PCDHA2: variants seen among roughly 807,000 people sequenced by gnomAD.
The protein encoded by PCDHA2 is protocadherin alpha-2.
PCDHA2 carries 58 observed loss-of-function variants against 66.0 expected under a neutral mutation model. That is an observed-to-expected ratio of 0.88 (90% CI 0.71 to 1.09). The LOEUF (loss-of-function observed/expected upper bound fraction) is 1.09. Among genes scored for constraint, PCDHA2 ranks in the 50% least tolerant of loss-of-function variants. The pLI is 0.00. For missense variants in PCDHA2, 1,267 were observed against 1,242.3 expected (o/e 1.02, Z -0.30); for synonymous variants, 634 against 554.0 (o/e 1.14, Z -2.03).
At chr5:140,823,479 A>C in intron 1 of PCDHA2, 1 of 1,613,314 alleles carries the variant, frequency 6.2e-7, no homozygotes, top group African/African-American at 1.3e-5. Flanking sequence ...TGGTGCCTCG[A>C]GTGGGTGGCA....
At chr5:140,808,438 C>G in intron 1 of PCDHA2, 2 of 1,614,150 alleles carry the variant, frequency 1.2e-6, no homozygotes, top group Non-Finnish European at 1.7e-6. Context: ...ACCGCGAGAG[C>G]GTGTCAGCCT....
chr5:140,940,549 A>G (rs1554213474), intron 1 of PCDHA2, among the ~76,000 whole-genome samples: 1 of 152,110 alleles, frequency 6.6e-6, no homozygotes, highest in Non-Finnish European at 1.5e-5. Context: ...CCTGGGCTCA[A>G]GTGATTCTCC....
Position 140,958,902 on chromosome 5 carries a change from GAA to G in PCDHA2, c.2389-20044_2389-20043del, listed in dbSNP as rs201571519. On this transcript the variant is annotated intron_variant, in intron 1 of 3. Transcript: ENST00000526136. ...GACCAGTAGCTATATAATAGATACA[GAA>G]AAGTCTGCCTGGGTGTGGTGGCTCA... Among the ~76,000 whole-genome samples the G allele has an allele frequency of 8.2e-3, 1,248 of 152,002 alleles. 7 individuals carry two copies. The highest frequency in any genetic ancestry group is 0.021 in the Middle Eastern group (6 of 292).
Position 140,828,302 on chromosome 5 carries a change from C to T in PCDHA2, c.2388+30950C>T, listed in dbSNP as rs2150153746. ...CCTGTTCAGGATGGCCTCCAAAGACCGCGAGGACCTTCTGGAGGTAAATCT... is the reference window on the plus strand; with the variant it reads ...CCTGTTCAGGATGGCCTCCAAAGACTGCGAGGACCTTCTGGAGGTAAATCT... On this transcript the variant is annotated intron_variant, in intron 1 of 3. Coordinates refer to ENST00000526136, the MANE Select transcript of PCDHA2 (RefSeq NM_018905.3). 3.1e-6 allele frequency: 5 copies of T among 1,614,032 alleles called. No individual in the cohort carries two copies. In the East Asian group the frequency reaches 1.1e-4, roughly 36 times the overall value.
intron 1 of PCDHA2, among the ~76,000 whole-genome samples, chr5:140,937,615 T>TCAAAAAAAAAAAAAAAAAAAAAAAAA (rs1472779704): frequency 4.0e-5 from 6 of 149,436 alleles, no homozygotes; most frequent in African/African-American, 1.5e-4. Flanking sequence ...ATACTCCATC[T>TCAAAAAAAAAAAAAAAAAAAAAAAAA]AAAAAGAAAA....
intron 1 of PCDHA2, chr5:140,829,491 A>G (rs1770339510): frequency 1.2e-6 from 2 of 1,613,552 alleles, no homozygotes; most frequent in African/African-American, 1.3e-5. Context: ...GTGAAGGAGA[A>G]CAACCCGCCG....
At chr5:140,845,196 T>C (rs1470721997) in intron 1 of PCDHA2, among the ~76,000 whole-genome samples, 3 of 149,356 alleles carry the variant, frequency 2.0e-5, no homozygotes, top group African/African-American at 7.4e-5. Flanking sequence ...AATATGATTG[T>C]TTTCATTTAA....
At chr5:140,850,361 C>T in intron 1 of PCDHA2, 1 of 1,597,860 alleles carries the variant, frequency 6.3e-7, no homozygotes, top group Non-Finnish European at 8.6e-7. Flanking sequence ...GCATCCCGTT[C>T]CGCGTGGGGC....
At chr5:140,988,874 T>G (rs1407460154) in intron 3 of PCDHA2, 2 of 152,194 alleles carry the variant, frequency 1.3e-5, no homozygotes, top group Non-Finnish European at 1.5e-5. Flanking sequence ...CACTCAGATG[T>G]ACGATCCTGG....
chr5:140,857,855 A>T, intron 1 of PCDHA2: 1 of 1,597,468 alleles, frequency 6.3e-7, no homozygotes, highest in Non-Finnish European at 8.6e-7. Context: ...CTCTGGATAC[A>T]ACGCGTGGCT....
At chr5:140,818,688 A>T (rs2150051064) in intron 1 of PCDHA2, among the ~76,000 whole-genome samples, 1 of 152,312 alleles carries the variant, frequency 6.6e-6, no homozygotes, top group East Asian at 1.9e-4. Context: ...AATGAAAAAA[A>T]TTAGCTAGAT....
chr5:140,933,753 G>A (rs1554209575), intron 1 of PCDHA2, among the ~76,000 whole-genome samples: 1 of 151,976 alleles, frequency 6.6e-6, no homozygotes. Context: ...GAATTCACTA[G>A]TGAAGCTCTC....
intron 1 of PCDHA2, chr5:140,927,761 G>C (rs1554205028): frequency 6.2e-7 from 1 of 1,614,102 alleles, no homozygotes. Flanking sequence ...CACCCTAAAA[G>C]TGGGGAGGTG....
chr5:140,839,620 G>T (rs1299548975), intron 1 of PCDHA2, among the ~76,000 whole-genome samples: 2 of 151,980 alleles, frequency 1.3e-5, no homozygotes, highest in Non-Finnish European at 2.9e-5. Flanking sequence ...AAACTCCTGA[G>T]ATATCGAGAA....
chr5:140,869,484 C>G (rs782167038), intron 1 of PCDHA2: 2 of 1,613,948 alleles, frequency 1.2e-6, no homozygotes, highest in Non-Finnish European at 1.7e-6. Context: ...AGGACATTAA[C>G]GACAACCCGC....
At chr5:140,926,850 G>A (rs375350613) in intron 1 of PCDHA2, 3 of 1,517,570 alleles carry the variant, frequency 2.0e-6, no homozygotes, top group African/African-American at 2.8e-5. Flanking sequence ...CTGGGTCACC[G>A]TTGGTGTAGC....
chr5:140,828,485 T>A (rs2150155911), intron 1 of PCDHA2: 2 of 1,614,056 alleles, frequency 1.2e-6, no homozygotes, highest in Admixed American at 3.3e-5. Context: ...CAACCCGCCC[T>A]TGTTCCCGGT....
At chr5:140,953,127 G>T (rs909395659) in intron 1 of PCDHA2, among the ~76,000 whole-genome samples, 8 of 152,178 alleles carry the variant, frequency 5.3e-5, no homozygotes, top group African/African-American at 1.4e-4. Flanking sequence ...GATCTAAACC[G>T]TATCACTGTT....
intron 1 of PCDHA2, among the ~76,000 whole-genome samples, chr5:140,840,300 T>A (rs2150305530): frequency 6.6e-6 from 1 of 152,132 alleles, no homozygotes. Flanking sequence ...TGATTAGATA[T>A]TCTTTTAACT....
Sources: allele counts gnomAD v4.1 joint callset (sites outside exome capture counted in the v4.1 genomes callset), GRCh38; gene constraint gnomAD v4.1.1; transcripts MANE v1.5; gene names NCBI Gene and HGNC (gene_info 2026-07-23, HGNC 2026-07-21).